Variants in CHRNA7 observed in about 807,000 individuals in gnomAD.
CHRNA7 encodes neuronal acetylcholine receptor subunit alpha-7.
CHRNA7 carries 17 observed loss-of-function variants against 48.0 expected under a neutral mutation model. The ratio of observed to expected loss-of-function variants is 0.35; its 90% confidence interval spans 0.24 to 0.53. The LOEUF (loss-of-function observed/expected upper bound fraction) is 0.53, where lower values mean the gene tolerates loss of function less well. Among genes scored for constraint, CHRNA7 ranks in the 20% least tolerant of loss-of-function variants. The pLI, the probability that CHRNA7 is intolerant of heterozygous loss-of-function variation, is 0.92. For synonymous variants in CHRNA7, 75 were observed against 242.3 expected, an observed-to-expected ratio of 0.31 and a Z score of 6.41; for missense variants, 155 against 577.7, an observed-to-expected ratio of 0.27 and a Z score of 7.50.
At chr15:32,148,946 C>T (rs1306186733) in intron 4 of CHRNA7, among the ~76,000 whole-genome samples, 1 of 152,206 alleles carries the variant, frequency 6.6e-6, no homozygotes, top group African/African-American at 2.4e-5. Flanking sequence ...TCCTCCTACC[C>T]CCGCTAAGGA....
At chr15:32,073,458 A>C (rs1197914836) in intron 2 of CHRNA7, among the ~76,000 whole-genome samples, 1 of 152,190 alleles carries the variant, frequency 6.6e-6, no homozygotes, top group Non-Finnish European at 1.5e-5. Context: ...TGATTGAGTT[A>C]ATGCTGGAAT....
At chr15:32,087,910 T>TA (rs1013540828) in intron 2 of CHRNA7, among the ~76,000 whole-genome samples, 12 of 152,230 alleles carry the variant, frequency 7.9e-5, no homozygotes, top group Admixed American at 6.5e-4. Context: ...ATCCTTTTGT[T>TA]ACATTTTGTA....
chr15:32,082,462 A>C (rs2050232085), intron 2 of CHRNA7, among the ~76,000 whole-genome samples: 1 of 152,090 alleles, frequency 6.6e-6, no homozygotes, highest in Admixed American at 6.5e-5. Context: ...TTAGTAAAGC[A>C]GGTTATATGT....
At position 32,149,107 on chromosome 15, in the gene CHRNA7, C is replaced by T. The variant is rs1007349766; in HGVS notation, c.351-4800C>T. Among the ~76,000 whole-genome samples, 3 of 152,210 alleles carry T rather than the reference C, an allele frequency of 2.0e-5. No homozygotes were observed. The highest frequency in any genetic ancestry group is 1.9e-4 in the East Asian group (1 of 5,188). ...CAAAGGCAGCCAGATAAAGGCAGCT[C>T]CTGCAAGGACGGAGAGGCCACAGGC... On this transcript the variant is annotated intron_variant, in intron 4 of 9. Coordinates refer to ENST00000306901, the MANE Select transcript of CHRNA7 (RefSeq NM_000746.6). The surrounding 1 kb of genome is among the most constrained non-coding windows in gnomAD (Gnocchi z 4.6).
Position 32,131,566 on chromosome 15 carries a change from A to G in CHRNA7, c.350+19667A>G, listed in dbSNP as rs552549892. On this transcript the variant is annotated intron_variant, in intron 4 of 9. Transcript: ENST00000306901. Reference sequence around the variant, plus strand: ...TTCTATTTATTTGTTGAGACTTTCTATTTTTTCACTGGTTTCAAACATGTT... The same window carrying G: ...TTCTATTTATTTGTTGAGACTTTCTGTTTTTTCACTGGTTTCAAACATGTT... Among the ~76,000 whole-genome samples the G allele has an allele frequency of 1.3e-4, 20 of 151,978 alleles. No individual in the cohort carries two copies. The South Asian group carries it at 3.9e-3, about 30-fold the overall frequency.
chr15:32,148,733 C>G (rs2651417), intron 4 of CHRNA7, among the ~76,000 whole-genome samples: 59,342 of 152,086 alleles, frequency 0.39, 13,055 homozygotes, highest in Non-Finnish European at 0.5. Context: ...GCTCCCAAGC[C>G]CTCTTTCAGC....
At chr15:32,051,378 T>C (rs917110751) in intron 2 of CHRNA7, among the ~76,000 whole-genome samples, 30 of 152,306 alleles carry the variant, frequency 2.0e-4, no homozygotes, top group African/African-American at 7.0e-4. Flanking sequence ...CCAGCCTTGC[T>C]GAAGCCTTGC....
intron 2 of CHRNA7, among the ~76,000 whole-genome samples, chr15:32,085,819 A>G (rs2050286195): frequency 6.6e-6 from 1 of 152,192 alleles, no homozygotes; most frequent in Non-Finnish European, 1.5e-5. Flanking sequence ...CTTAGATTCC[A>G]AAGTTGAAGT....
At chr15:32,112,824 A>G (rs1247063734) in intron 4 of CHRNA7, among the ~76,000 whole-genome samples, 1 of 151,686 alleles carries the variant, frequency 6.6e-6, no homozygotes, top group Admixed American at 6.6e-5. Context: ...TATTTCTTGT[A>G]TGGACTTTTC....
intron 4 of CHRNA7, among the ~76,000 whole-genome samples, chr15:32,136,918 G>A (rs2141328577): frequency 1.3e-5 from 2 of 149,390 alleles, no homozygotes; most frequent in South Asian, 4.3e-4. Flanking sequence ...TGTAGTCCCA[G>A]CTACTTGGGA....
rs149761002 is a variant in CHRNA7 at position 32,085,687 on chromosome 15, C to T, written c.196-15616C>T. Among the ~76,000 whole-genome samples, 565 of 152,348 alleles carry T rather than the reference C, an allele frequency of 3.7e-3. 4 individuals are homozygous for T. Among genetic ancestry groups the T allele is most frequent in the African/African-American group, 0.013 (531 of 41,576 alleles). Reference sequence around the variant, plus strand: ...TCCCATTCTTCTGAATTCAGTTTCTCCTTCCAGGAGGACACCTGATAGTAA... The same window carrying T: ...TCCCATTCTTCTGAATTCAGTTTCTTCTTCCAGGAGGACACCTGATAGTAA... On this transcript the variant is annotated intron_variant, in intron 2 of 9. Transcript: ENST00000306901.
chr15:32,094,056 T>C (rs756726214), intron 2 of CHRNA7, among the ~76,000 whole-genome samples: 1 of 152,166 alleles, frequency 6.6e-6, no homozygotes, highest in Admixed American at 6.5e-5. Context: ...TAAAGCATAA[T>C]GCATTTCCTC....
chr15:32,077,445 C>T (rs934592019), intron 2 of CHRNA7, among the ~76,000 whole-genome samples: 1 of 152,170 alleles, frequency 6.6e-6, no homozygotes, highest in African/African-American at 2.4e-5. Flanking sequence ...TTCTGTTTGT[C>T]CTTGCCAGCA....
chr15:32,119,466 G>A (rs746512121), intron 4 of CHRNA7, among the ~76,000 whole-genome samples: 1 of 152,168 alleles, frequency 6.6e-6, no homozygotes, highest in African/African-American at 2.4e-5. Flanking sequence ...GCTGTGGCTG[G>A]AGAGAATTGG....
chr15:32,053,136 C>G (rs1286871444), intron 2 of CHRNA7, among the ~76,000 whole-genome samples: 1 of 152,054 alleles, frequency 6.6e-6, no homozygotes, highest in African/African-American at 2.4e-5. Flanking sequence ...GGAGATAAAC[C>G]CACAAAATTC....
At position 32,107,964 on chromosome 15, in the gene CHRNA7, T is replaced by C. The variant is rs141436894; in HGVS notation, c.241-3826T>C. Among the ~76,000 whole-genome samples, 1,011 of 152,280 alleles carry C rather than the reference T, an allele frequency of 6.6e-3. 9 individuals carry two copies. The highest frequency in any genetic ancestry group is 0.023 in the African/African-American group (975 of 41,556). On this transcript the variant is annotated intron_variant, in intron 3 of 9. Coordinates refer to ENST00000306901, the MANE Select transcript of CHRNA7 (RefSeq NM_000746.6). ...AAGACACTCCTCTCACTCAGGAAAT[T>C]CCCAGGGCTTTGGAAGCTCTGTGCC... is the stretch of plus-strand genomic sequence containing the variant.
chr15:32,073,062 G>C (rs2050083186), intron 2 of CHRNA7, among the ~76,000 whole-genome samples: 1 of 152,150 alleles, frequency 6.6e-6, no homozygotes, highest in Admixed American at 6.5e-5. Context: ...CTGTCAGCTT[G>C]CACCCTGAGC....
At chr15:32,101,112 C>T in intron 2 of CHRNA7, 191 bp from the exon 3 acceptor site, 1 of 561,914 alleles carries the variant, frequency 1.8e-6, no homozygotes, top group Non-Finnish European at 3.0e-6. Flanking sequence ...ATAAATGTGT[C>T]TTACTTTGGA....
chr15:32,058,095 A>G (rs1216555288), intron 2 of CHRNA7, among the ~76,000 whole-genome samples: 6 of 152,232 alleles, frequency 3.9e-5, no homozygotes, highest in East Asian at 1.9e-4. Context: ...TAGTGGTCCT[A>G]GGAGCAGTAG....
Sources: allele counts gnomAD v4.1 joint callset (sites outside exome capture counted in the v4.1 genomes callset), GRCh38; gene constraint gnomAD v4.1.1; non-coding constraint Gnocchi (gnomAD v3.1); transcripts MANE v1.5; gene names NCBI Gene and HGNC (gene_info 2026-07-23, HGNC 2026-07-21).